GAB2: variants seen among roughly 807,000 people sequenced by gnomAD.
GAB2 encodes the protein GRB2-associated-binding protein 2.
GAB2 carries 26 observed loss-of-function variants against 65.5 expected under a neutral mutation model. The ratio of observed to expected loss-of-function variants is 0.40; its 90% CI spans 0.29 to 0.55. The LOEUF (loss-of-function observed/expected upper bound fraction) is 0.55. Ranked by LOEUF, GAB2 falls within the 20% of genes least tolerant of loss-of-function variation. The probability of loss-of-function intolerance (pLI) is 0.53; values close to 1 mark genes in which losing one functional copy is unlikely to be tolerated. For missense variants in GAB2, 884 were observed against 875.8 expected, an observed-to-expected ratio of 1.01 and a Z score of -0.12; for synonymous variants, 321 against 329.6, an observed-to-expected ratio of 0.97 and a Z score of 0.28.
In GAB2 at chr11:78,216,990, G is replaced by T. The variant is rs3740677; in HGVS notation, c.*2282C>A. ...GGACCCATATGCTCAAAGGCCTTTT[G>T]TTCCCAAGACACAAGGCTTTCCAAG... On this transcript the variant is annotated 3_prime_UTR_variant, in exon 10 of 10. Transcript: ENST00000361507. 0.57 allele frequency: 87,154 copies of T among 152,166 alleles called. 29,140 individuals are homozygous for T. Among genetic ancestry groups the T allele is most frequent in the Non-Finnish European group, 0.78 (52,784 of 68,064 alleles). 9.4% of individuals were successfully genotyped at this position (152,166 alleles called of 1,614,324 possible).
Position 78,226,832 on chromosome 11 carries a change from G to A in GAB2, c.840C>T (p.Gly280=), listed in dbSNP as rs1864677602. ...RSLASHGHTK[G]SLTGSETDNE... ...TATCTGTCTCGGAGCCTGTGAGGCTGCCCTTGGTGTGGCCATGGGAGGCCA... is the reference window on the plus strand; with the variant it reads ...TATCTGTCTCGGAGCCTGTGAGGCTACCCTTGGTGTGGCCATGGGAGGCCA... The change falls in exon 4 of 10, where the codon GGC becomes GGT. Residue 280 remains glycine, a synonymous_variant. Transcript: ENST00000361507. 6.8e-6 allele frequency: 11 copies of A among 1,613,826 alleles called. No homozygotes were observed. The highest frequency in any genetic ancestry group is 9.3e-6 in the Non-Finnish European group (11 of 1,179,686).
intron 1 of GAB2, among the ~76,000 whole-genome samples, chr11:78,303,225 T>A: frequency 1.3e-5 from 1 of 79,392 alleles, no homozygotes; most frequent in South Asian, 4.2e-4. Context: ...GGTTTAGGCT[T>A]TTTTTTGTGT....
intron 2 of GAB2, among the ~76,000 whole-genome samples, chr11:78,279,845 A>G (rs1039840759): frequency 6.6e-6 from 1 of 152,212 alleles, no homozygotes; most frequent in Admixed American, 6.5e-5. Flanking sequence ...TATTATGAAT[A>G]ATACTGCTGT....
At chr11:78,341,619 C>T in intron 1 of GAB2, 1 of 243,140 alleles carries the variant, frequency 4.1e-6, no homozygotes, top group Non-Finnish European at 6.6e-6. Flanking sequence ...CCTCACGAAT[C>T]TCATCAAGTA....
At chr11:78,387,166 G>A (rs561215215) in intron 1 of GAB2, among the ~76,000 whole-genome samples, 6 of 152,190 alleles carry the variant, frequency 3.9e-5, no homozygotes, top group Admixed American at 2.0e-4. Context: ...TTTAGATTCC[G>A]TGTGAGCCCC....
chr11:78,364,454 T>G (rs558014681), intron 1 of GAB2, among the ~76,000 whole-genome samples: 3 of 152,310 alleles, frequency 2.0e-5, no homozygotes, highest in African/African-American at 7.2e-5. Flanking sequence ...AACTTAAAAG[T>G]TTCAATAAAT....
intron 1 of GAB2, chr11:78,388,292 G>C (rs1046686644): frequency 6.6e-6 from 1 of 151,832 alleles, no homozygotes; most frequent in Non-Finnish European, 1.5e-5. Flanking sequence ...GCCTCCCAAC[G>C]TGCTAAGATC....
At chr11:78,402,914 G>A (rs998013893) in intron 1 of GAB2, among the ~76,000 whole-genome samples, 19 of 152,228 alleles carry the variant, frequency 1.2e-4, no homozygotes, top group Non-Finnish European at 2.5e-4. Context: ...TGGGTCCTTT[G>A]GGAGGTTATC....
At chr11:78,415,537 G>A (rs1857184554) in intron 1 of GAB2, among the ~76,000 whole-genome samples, 1 of 152,204 alleles carries the variant, frequency 6.6e-6, no homozygotes, top group South Asian at 2.1e-4. Context: ...GTTTCAGTTA[G>A]GGGGAAACTG....
chr11:78,353,094 T>C (rs1856304795), intron 1 of GAB2, among the ~76,000 whole-genome samples: 1 of 152,174 alleles, frequency 6.6e-6, no homozygotes, highest in African/African-American at 2.4e-5. Context: ...ATCTAGGAGC[T>C]TGTTACACGT....
chr11:78,271,381 A>G (rs143300664), intron 2 of GAB2, among the ~76,000 whole-genome samples: 28 of 152,352 alleles, frequency 1.8e-4, no homozygotes, highest in Admixed American at 2.6e-4. Flanking sequence ...TAGCATCTTG[A>G]TATGTGTTCC....
chr11:78,309,113 T>A (rs1250088954), intron 1 of GAB2, among the ~76,000 whole-genome samples: 1 of 151,990 alleles, frequency 6.6e-6, no homozygotes, highest in East Asian at 1.9e-4. Flanking sequence ...CCACTAGAAA[T>A]GAAAACTGCG....
intron 1 of GAB2, among the ~76,000 whole-genome samples, chr11:78,407,901 C>CTAAA (rs1405150519): frequency 4.6e-5 from 7 of 152,070 alleles, no homozygotes; most frequent in African/African-American, 1.7e-4. Flanking sequence ...CAGTATTTTA[C>CTAAA]AGGTGCTCAA....
chr11:78,353,331 C>T (rs1236094751), intron 1 of GAB2, among the ~76,000 whole-genome samples: 2 of 152,178 alleles, frequency 1.3e-5, no homozygotes, highest in Non-Finnish European at 2.9e-5. Context: ...ATCCCAGCTA[C>T]TCGGGAGGCT....
intron 1 of GAB2, among the ~76,000 whole-genome samples, chr11:78,306,602 T>G (rs1396012147): frequency 6.6e-6 from 1 of 152,270 alleles, no homozygotes; most frequent in African/African-American, 2.4e-5. Flanking sequence ...ATTATAAGTA[T>G]AGATTTCATT....
At chr11:78,248,160 TAAA>T in intron 3 of GAB2, among the ~76,000 whole-genome samples, 1 of 152,126 alleles carries the variant, frequency 6.6e-6, no homozygotes, top group South Asian at 2.1e-4. Flanking sequence ...AGAGAGAGAA[TAAA>T]AAACTGCTGT....
intron 1 of GAB2, among the ~76,000 whole-genome samples, chr11:78,411,961 C>T (rs1286111370): frequency 6.6e-6 from 1 of 151,882 alleles, no homozygotes; most frequent in African/African-American, 2.4e-5. Context: ...ACCTGGGAGG[C>T]AGAGGTTGCA....
rs1490246705 is a variant in GAB2, at chr11:78,417,813, G to A, written c.-93C>T. 1.0e-5 allele frequency: 6 copies of A among 586,244 alleles called. No homozygotes were observed. The highest frequency in any genetic ancestry group is 6.4e-5 in the Admixed American group (1 of 15,572). The allele number at this position is 586,244 out of a possible 1,614,324, so 36.3% of individuals were successfully genotyped here. ...GGCCGGCGGTGCGCAGCTCGCGGGAGGCCAGGGGCGGGGCGGGCGGCCCGG... is the reference window on the plus strand; with the variant it reads ...GGCCGGCGGTGCGCAGCTCGCGGGAAGCCAGGGGCGGGGCGGGCGGCCCGG... On this transcript the variant is annotated 5_prime_UTR_variant, in exon 1 of 10. Coordinates refer to ENST00000361507, the MANE Select transcript of GAB2 (RefSeq NM_080491.3).
intron 1 of GAB2, among the ~76,000 whole-genome samples, chr11:78,411,350 G>C (rs1039659059): frequency 1.3e-5 from 2 of 151,954 alleles, no homozygotes; most frequent in African/African-American, 4.8e-5. Flanking sequence ...GCATAAACAA[G>C]ATTATTCTAA....
Sources: allele counts gnomAD v4.1 joint callset (sites outside exome capture counted in the v4.1 genomes callset), GRCh38; gene constraint gnomAD v4.1.1; transcripts MANE v1.5; gene names NCBI Gene and HGNC (gene_info 2026-07-23, HGNC 2026-07-21).